ANO1: variants seen among roughly 807,000 people sequenced by gnomAD.
ANO1 encodes anoctamin 1, also known as anoctamin-1.
In ANO1, 59 loss-of-function variants were observed where a neutral mutation model predicts 124.0. That is an observed-to-expected ratio of 0.48 (90% CI 0.39 to 0.59). The LOEUF (loss-of-function observed/expected upper bound fraction) is 0.59. Among genes scored for constraint, ANO1 ranks in the 20% least tolerant of loss-of-function variants. The pLI is 0.00. For missense variants in ANO1, 1,059 were observed against 1,328.0 expected, an observed-to-expected ratio of 0.80 and a Z score of 3.15; for synonymous variants, 529 against 532.0, an observed-to-expected ratio of 0.99 and a Z score of 0.08.
intron 1 of ANO1, among the ~76,000 whole-genome samples, chr11:70,017,114 G>A (rs1367504169): frequency 6.6e-6 from 1 of 152,246 alleles, no homozygotes; most frequent in Non-Finnish European, 1.5e-5. Flanking sequence ...ATACTTGTTT[G>A]ATGAATGAAC....
At position 70,010,179 on chromosome 11, in the gene ANO1, G is replaced by GTGTATATATATATGTGTATA; in HGVS notation, c.58+24014_58+24015insGTATATATATATGTGTATAT. Reference sequence around the variant, plus strand: ...TGTGTGTGTGTGCGCGTGTGTGTGTGTATATATATATATATATATCACATT... The same window carrying GTGTATATATATATGTGTATA: ...TGTGTGTGTGTGCGCGTGTGTGTGTGTGTATATATATATGTGTATATATATATATATATATATATCACATT... On this transcript the variant is annotated intron_variant, in intron 1 of 27. Coordinates refer to the ANO1 transcript ENST00000531349. Among the ~76,000 whole-genome samples the GTGTATATATATATGTGTATA allele has an allele frequency of 1.8e-3, 148 of 83,812 alleles. 12 individuals carry two copies. The highest frequency in any genetic ancestry group is 6.2e-3 in the African/African-American group (132 of 21,334). 55.0% of individuals were successfully genotyped at this position (83,812 alleles called of 152,430 possible).
At chr11:70,162,456 AC>A (rs2048090312) in intron 18 of ANO1, among the ~76,000 whole-genome samples, 1 of 152,132 alleles carries the variant, frequency 6.6e-6, no homozygotes, top group South Asian at 2.1e-4. Flanking sequence ...CAAAGTGGGG[AC>A]AAGGAGAGAG....
chr11:70,178,870 G>A (rs984848702), intron 22 of ANO1, among the ~76,000 whole-genome samples: 1 of 152,214 alleles, frequency 6.6e-6, no homozygotes, highest in Non-Finnish European at 1.5e-5. Flanking sequence ...AGCCCGCAGT[G>A]GGCATTTCTG....
At position 70,078,509 on chromosome 11, in the gene ANO1, G is replaced by C; in HGVS notation, c.-98G>C. 1 of 603,012 alleles carries C rather than the reference G, an allele frequency of 1.7e-6. No homozygotes were observed. The highest frequency in any genetic ancestry group is 2.2e-6 in the Non-Finnish European group (1 of 454,804). 37.4% of individuals were successfully genotyped at this position (603,012 alleles called of 1,614,324 possible). A position where few individuals can be genotyped will look rare whatever the true frequency, so the allele number is the denominator to read the frequency against. On this transcript the variant is annotated 5_prime_UTR_variant, in exon 1 of 26. Coordinates refer to ENST00000355303, the MANE Select transcript of ANO1 (RefSeq NM_018043.7). ...CGCGGGGAGGCCCGGCCCCCTGCGA[G>C]CGCGCCGCGAACGCTGCGGTCTCCG...
chr11:70,025,501 CGAT>C (rs1210943895), intron 1 of ANO1, among the ~76,000 whole-genome samples: 2 of 139,594 alleles, frequency 1.4e-5, no homozygotes, highest in South Asian at 2.4e-4. Flanking sequence ...ACAATGATGG[CGAT>C]GATGGTGGTG....
At chr11:70,051,214 A>G (rs1555006246) in intron 1 of ANO1, among the ~76,000 whole-genome samples, 1 of 152,118 alleles carries the variant, frequency 6.6e-6, no homozygotes, top group East Asian at 1.9e-4. Context: ...CTGTGGATTC[A>G]ACTTGCCTGT....
At chr11:70,100,495 G>A (rs753862070) in intron 2 of ANO1, among the ~76,000 whole-genome samples, 63 of 152,338 alleles carry the variant, frequency 4.1e-4, no homozygotes, top group South Asian at 6.2e-4. Flanking sequence ...TGGAGCCCCC[G>A]GAAGCTGGGA....
At chr11:70,065,796 A>C (rs1857701985) in intron 1 of ANO1, among the ~76,000 whole-genome samples, 1 of 152,092 alleles carries the variant, frequency 6.6e-6, no homozygotes, top group African/African-American at 2.4e-5. Flanking sequence ...CGCTGCCTGC[A>C]ATGTTCCTCC....
chr11:70,175,747 G>A (rs911404130), intron 22 of ANO1, among the ~76,000 whole-genome samples: 2 of 152,172 alleles, frequency 1.3e-5, no homozygotes, highest in East Asian at 1.9e-4. Context: ...AGAAAATGGC[G>A]CTTAGCATCC....
At chr11:70,067,333 T>G (rs1398711974) in intron 1 of ANO1, among the ~76,000 whole-genome samples, 3 of 148,936 alleles carry the variant, frequency 2.0e-5, no homozygotes, top group Admixed American at 1.3e-4. Flanking sequence ...GTTTTTTTTT[T>G]TTTTTTTTTT....
chr11:69,979,611 AG>A, the ANO1 span, among the ~76,000 whole-genome samples: 1 of 152,218 alleles, frequency 6.6e-6, no homozygotes, highest in Non-Finnish European at 1.5e-5. Flanking sequence ...ACATCTTAAA[AG>A]GAAGATATCA....
intron 2 of ANO1, among the ~76,000 whole-genome samples, chr11:70,101,021 C>T (rs1310622463): frequency 2.6e-5 from 4 of 152,072 alleles, no homozygotes; most frequent in African/African-American, 4.8e-5. Context: ...TAAGCGACCA[C>T]GGTGGGCTTC....
intron 7 of ANO1, among the ~76,000 whole-genome samples, chr11:70,115,548 G>T (rs1382012591): frequency 6.6e-6 from 1 of 152,112 alleles, no homozygotes; most frequent in Non-Finnish European, 1.5e-5. Flanking sequence ...GGAAGCGAAG[G>T]TTGCAGTGAG....
At chr11:70,176,131 G>A (rs1258228184) in intron 22 of ANO1, among the ~76,000 whole-genome samples, 2 of 145,818 alleles carry the variant, frequency 1.4e-5, no homozygotes, top group Non-Finnish European at 3.0e-5. Context: ...GCGACTTCCA[G>A]ATTATGGGTA....
At chr11:70,116,547 G>A (rs1212089320) in intron 8 of ANO1, 48 bp downstream of exon 8, 4 of 1,550,826 alleles carry the variant, frequency 2.6e-6, no homozygotes, top group Admixed American at 1.9e-5. Flanking sequence ...GAGCCTGGAG[G>A]CGTTCTGGGG....
chr11:70,065,458 C>G (rs559795337), intron 1 of ANO1: 2 of 152,594 alleles, frequency 1.3e-5, no homozygotes, highest in Non-Finnish European at 2.9e-5. Context: ...CAGACAGCAT[C>G]GGTCCCCTGT....
At chr11:70,002,473 A>AAAAAAAAAAAAAAAAC (rs1459201747) in intron 1 of ANO1, among the ~76,000 whole-genome samples, 3 of 151,436 alleles carry the variant, frequency 2.0e-5, no homozygotes, top group African/African-American at 7.3e-5. Flanking sequence ...AAAAAAAAAA[A>AAAAAAAAAAAAAAAAC]AAAACACCAA....
intron 1 of ANO1, among the ~76,000 whole-genome samples, chr11:70,039,678 A>C (rs1420219366): frequency 6.6e-6 from 1 of 150,786 alleles, no homozygotes; most frequent in East Asian, 2.0e-4. Flanking sequence ...CTCCCCCTCC[A>C]CCTCAAGTGA....
intron 1 of ANO1, among the ~76,000 whole-genome samples, chr11:70,034,471 C>T (rs1044528415): frequency 1.3e-5 from 2 of 152,166 alleles, no homozygotes; most frequent in African/African-American, 4.8e-5. Context: ...GAGAGGGAGT[C>T]AACCTTTCTT....
Sources: allele counts gnomAD v4.1 joint callset (sites outside exome capture counted in the v4.1 genomes callset), GRCh38; gene constraint gnomAD v4.1.1; transcripts MANE v1.5; gene names NCBI Gene and HGNC (gene_info 2026-07-23, HGNC 2026-07-21).